The following RBFOX1 variants were observed in gnomAD, a reference collection of about 807,000 sequenced individuals.
The protein encoded by RBFOX1 is RNA binding fox-1 homolog 1.
RBFOX1 carries 8 observed loss-of-function variants against 57.7 expected under a neutral mutation model. The ratio of observed to expected loss-of-function variants is 0.14; its 90% CI spans 0.08 to 0.25. The LOEUF is 0.25. Ranked by LOEUF, RBFOX1 falls within the 10% of genes least tolerant of loss-of-function variation. RBFOX1 has a pLI of 1.00. For synonymous variants in RBFOX1, 326 were observed against 222.4 expected (o/e 1.47, Z -4.15); for missense variants, 611 against 548.5 (o/e 1.11, Z -1.14).
chr16:6,415,242 CAA>C (rs57296761), intron 2 of RBFOX1, among the ~76,000 whole-genome samples: 230 of 102,058 alleles, frequency 2.3e-3, no homozygotes, highest in African/African-American at 6.2e-3. Flanking sequence ...AACTCTGTCA[CAA>C]AAAAAAAAAA....
chr16:6,896,221 A>T (rs117791072), intron 3 of RBFOX1, among the ~76,000 whole-genome samples: 1,885 of 152,306 alleles, frequency 0.012, 22 homozygotes, highest in Non-Finnish European at 0.02. Context: ...TGTAGTGAGC[A>T]GAGATCATGC....
intron 1 of RBFOX1, among the ~76,000 whole-genome samples, chr16:6,274,522 T>A (rs1445700776): frequency 2.0e-5 from 3 of 151,942 alleles, no homozygotes; most frequent in African/African-American, 7.3e-5. Context: ...TTGCCAGGGG[T>A]TGAGAGGAGA....
At chr16:5,638,140 C>A (rs1362911163) in intron 3 of RBFOX1, among the ~76,000 whole-genome samples, 2 of 152,208 alleles carry the variant, frequency 1.3e-5, no homozygotes, top group Non-Finnish European at 2.9e-5. Context: ...GAGCATTTTA[C>A]ATATGTGATT....
At chr16:5,291,786 C>A (rs1213447552) in intron 1 of RBFOX1, among the ~76,000 whole-genome samples, 2 of 145,308 alleles carry the variant, frequency 1.4e-5, no homozygotes, top group Admixed American at 1.4e-4. Context: ...GAGCAGTGAA[C>A]GGATCTGAGA....
chr16:6,565,961 G>C (rs1431949075), intron 2 of RBFOX1, among the ~76,000 whole-genome samples: 1 of 152,090 alleles, frequency 6.6e-6, no homozygotes, highest in Admixed American at 6.6e-5. Flanking sequence ...ATTTCTCTCT[G>C]TTCATCCTGC....
At chr16:7,709,927 G>C (rs929156807) in intron 15 of RBFOX1, 5 of 1,036,722 alleles carry the variant, frequency 4.8e-6, no homozygotes, top group African/African-American at 3.4e-5. Flanking sequence ...AAGAATATCA[G>C]TCCTTACCCT....
intron 3 of RBFOX1, among the ~76,000 whole-genome samples, chr16:6,798,184 C>G (rs941374433): frequency 1.3e-5 from 2 of 152,146 alleles, no homozygotes; most frequent in African/African-American, 4.8e-5. Context: ...AGTCTCTTCT[C>G]TGGTCGTGTC....
intron 3 of RBFOX1, among the ~76,000 whole-genome samples, chr16:5,717,767 G>A (rs988886148): frequency 2.0e-5 from 3 of 152,328 alleles, no homozygotes; most frequent in Admixed American, 1.3e-4. Flanking sequence ...TTGTTTGCAA[G>A]AAGATTTGGT....
chr16:5,419,304 G>C (rs1295796481), intron 1 of RBFOX1, among the ~76,000 whole-genome samples: 2 of 152,176 alleles, frequency 1.3e-5, no homozygotes, highest in Non-Finnish European at 2.9e-5. Context: ...GCCAGTCTGA[G>C]TCCCAAAGCT....
chr16:6,846,434 A>G (rs763076492), intron 3 of RBFOX1, among the ~76,000 whole-genome samples: 2 of 152,196 alleles, frequency 1.3e-5, no homozygotes, highest in African/African-American at 4.8e-5. Context: ...CAAACAAGAG[A>G]CTGCACTGTG....
chr16:7,622,656 T>G (rs1269018635), intron 10 of RBFOX1, among the ~76,000 whole-genome samples: 3 of 152,070 alleles, frequency 2.0e-5, no homozygotes, highest in Non-Finnish European at 2.9e-5. Flanking sequence ...CCAAAGCTTA[T>G]GAAAATAAAT....
intron 9 of RBFOX1, among the ~76,000 whole-genome samples, chr16:7,605,711 T>C (rs1274680733): frequency 6.6e-6 from 1 of 152,166 alleles, no homozygotes; most frequent in Non-Finnish European, 1.5e-5. Flanking sequence ...CAAAAATACC[T>C]TCCTTCACAT....
At chr16:5,936,239 T>G (rs2059166018) in intron 4 of RBFOX1, among the ~76,000 whole-genome samples, 1 of 152,124 alleles carries the variant, frequency 6.6e-6, no homozygotes, top group Admixed American at 6.6e-5. Flanking sequence ...TTCTCGTGCC[T>G]CAGCATCCTG....
intron 3 of RBFOX1, among the ~76,000 whole-genome samples, chr16:5,641,059 C>G (rs530914085): frequency 1.3e-5 from 2 of 150,246 alleles, no homozygotes; most frequent in South Asian, 4.2e-4. Flanking sequence ...TGCACATACA[C>G]CCATGCACAC....
rs185010725 is a variant in RBFOX1 at position 7,293,400 on chromosome 16, G to A, written c.28-224747G>A. Reference sequence around the variant, plus strand: ...AACCAATCACCCATGGATAGTGAACGATGACTCTACCGATCCTTGTCTGTG... The same window carrying A: ...AACCAATCACCCATGGATAGTGAACAATGACTCTACCGATCCTTGTCTGTG... On this transcript the variant is annotated intron_variant, in intron 4 of 15. Transcript: ENST00000550418. Among the ~76,000 whole-genome samples, 46 of 152,230 alleles carry A rather than the reference G, an allele frequency of 3.0e-4. No homozygotes were observed. The South Asian group carries it at 7.3e-3, about 24-fold the overall frequency.
Position 6,137,739 on chromosome 16 carries a change from A to C in RBFOX1, c.-127+117747A>C, listed in dbSNP as rs1244007330. Among the ~76,000 whole-genome samples, 4 of 149,732 alleles carry C rather than the reference A, an allele frequency of 2.7e-5. No homozygotes were observed. In the East Asian group the frequency reaches 7.9e-4, roughly 30 times the overall value. On this transcript the variant is annotated intron_variant, in intron 1 of 15. Coordinates refer to ENST00000550418, the MANE Select transcript of RBFOX1 (RefSeq NM_018723.4). ...AGTAATCCTGCCACCTCAGCCTCTC[A>C]AGTAGTTGGATGTATGCACCATCAC...
chr16:5,971,104 C>T (rs1214747506), intron 4 of RBFOX1, among the ~76,000 whole-genome samples: 1 of 152,202 alleles, frequency 6.6e-6, no homozygotes, highest in Non-Finnish European at 1.5e-5. Context: ...CCTCCCGTAT[C>T]CAGGTGTCCA....
chr16:5,545,385 C>G (rs919202078), intron 2 of RBFOX1, among the ~76,000 whole-genome samples: 1 of 152,044 alleles, frequency 6.6e-6, no homozygotes, highest in Non-Finnish European at 1.5e-5. Flanking sequence ...GCCCTAATAG[C>G]AAAACCTGAC....
At chr16:6,342,696 A>C (rs143482855) in intron 2 of RBFOX1, among the ~76,000 whole-genome samples, 62 of 152,248 alleles carry the variant, frequency 4.1e-4, no homozygotes, top group Admixed American at 1.4e-3. Context: ...ATTCCTCTAA[A>C]TGCTTTTTGT....
Sources: gnomAD v4.1 joint callset for allele counts (sites outside exome capture counted in the v4.1 genomes callset) on GRCh38, gnomAD v4.1.1 for gene constraint, MANE v1.5 for transcripts, NCBI Gene and HGNC (gene_info 2026-07-23, HGNC 2026-07-21) for gene names.